ANXA4: variants seen among roughly 807,000 people sequenced by gnomAD.
ANXA4 encodes the protein annexin A4, also known as 35-beta calcimedin.
In ANXA4, 39 loss-of-function variants were observed where a neutral mutation model predicts 49.8. The ratio of observed to expected loss-of-function variants is 0.78; its 90% CI spans 0.61 to 1.02. ANXA4 has a LOEUF of 1.02. ANXA4 is among the 50% of genes least tolerant of loss of function. The pLI is 0.00. For missense variants in ANXA4, 360 were observed against 410.1 expected (o/e 0.88, Z 1.05); for synonymous variants, 134 against 152.5 (o/e 0.88, Z 0.89).
intron 2 of ANXA4, among the ~76,000 whole-genome samples, chr2:69,659,525 C>G (rs1676632530): frequency 6.6e-6 from 1 of 152,166 alleles, no homozygotes; most frequent in African/African-American, 2.4e-5. Flanking sequence ...TCACTGCAAC[C>G]TTGAACTTCT....
chr2:69,746,759 C>T (rs920962243), intron 1 of ANXA4, among the ~76,000 whole-genome samples: 3 of 151,780 alleles, frequency 2.0e-5, no homozygotes, highest in African/African-American at 4.8e-5. Flanking sequence ...TAAATTACTA[C>T]GGAAAAGACC....
intron 11 of ANXA4, 67 bp downstream of exon 11, chr2:69,819,405 C>A: frequency 8.5e-7 from 1 of 1,176,266 alleles, no homozygotes; most frequent in Non-Finnish European, 1.2e-6. Flanking sequence ...CTTAAGCTTA[C>A]TTATATCCCC....
rs766147001 is a variant in ANXA4, at chr2:69,812,642, C to T, written c.478-11C>T. ...CTCGAATTATTTTTTATTTGTTTTT[C>T]TCATCCTCAGGGTGGGAGGGATGAA... On this transcript the variant is annotated splice_polypyrimidine_tract_variant and intron_variant, in intron 7 of 12. Coordinates refer to ENST00000394295, the MANE Select transcript of ANXA4 (RefSeq NM_001153.5). The T allele has an allele frequency of 3.7e-6, 6 of 1,610,972 alleles. No individual in the cohort carries two copies. Among genetic ancestry groups the T allele is most frequent in the Non-Finnish European group, 4.2e-6 (5 of 1,177,790 alleles).
intron 2 of ANXA4, among the ~76,000 whole-genome samples, chr2:69,658,694 C>G (rs1363895270): frequency 6.6e-6 from 1 of 151,754 alleles, no homozygotes; most frequent in African/African-American, 2.4e-5. Context: ...TTTATTTATT[C>G]ATTTGTTTAC....
At chr2:69,724,697 CAAAG>C (rs1434509609) in intron 3 of ANXA4, among the ~76,000 whole-genome samples, 1 of 82,200 alleles carries the variant, frequency 1.2e-5, no homozygotes, top group Non-Finnish European at 2.4e-5. Flanking sequence ...TGTAAAAAGG[CAAAG>C]AAAGAAAGAT....
intron 1 of ANXA4, among the ~76,000 whole-genome samples, chr2:69,746,252 C>T (rs1670607381): frequency 6.6e-6 from 1 of 152,092 alleles, no homozygotes; most frequent in South Asian, 2.1e-4. Flanking sequence ...CCTCATGATC[C>T]ACCCGCCTCG....
chr2:69,685,762 C>A (rs945567005), intron 2 of ANXA4, among the ~76,000 whole-genome samples: 1 of 152,102 alleles, frequency 6.6e-6, no homozygotes, highest in Non-Finnish European at 1.5e-5. Flanking sequence ...AGAAGTGTAA[C>A]GTGGTTGCCA....
intron 2 of ANXA4, among the ~76,000 whole-genome samples, chr2:69,707,533 T>C (rs1216234344): frequency 2.6e-5 from 4 of 152,260 alleles, no homozygotes; most frequent in Non-Finnish European, 4.4e-5. Context: ...CTCATAACCG[T>C]GGAACCCCAA....
chr2:69,716,025 G>A (rs949161651), intron 2 of ANXA4, among the ~76,000 whole-genome samples: 4 of 152,290 alleles, frequency 2.6e-5, no homozygotes, highest in African/African-American at 4.8e-5. Context: ...AATAACCTGA[G>A]ACTGGGAGAA....
At chr2:69,650,642 C>T (rs1676198854) in intron 1 of ANXA4, among the ~76,000 whole-genome samples, 1 of 152,088 alleles carries the variant, frequency 6.6e-6, no homozygotes, top group South Asian at 2.1e-4. Flanking sequence ...TTTGTAGAGA[C>T]AGGGTGTTTC....
chr2:69,726,308 C>T (rs577933228), intron 3 of ANXA4, among the ~76,000 whole-genome samples: 19 of 152,304 alleles, frequency 1.2e-4, no homozygotes, highest in Non-Finnish European at 2.6e-4. Flanking sequence ...CCTCCCCAGC[C>T]ATTCAGAACT....
At chr2:69,714,450 G>A (rs982503554) in intron 2 of ANXA4, among the ~76,000 whole-genome samples, 1 of 152,200 alleles carries the variant, frequency 6.6e-6, no homozygotes, top group Non-Finnish European at 1.5e-5. Context: ...TATAAGAGAC[G>A]GGGCTTCGGC....
intron 2 of ANXA4, among the ~76,000 whole-genome samples, chr2:69,690,261 C>CA (rs1323632048): frequency 6.6e-6 from 1 of 152,112 alleles, no homozygotes; most frequent in Non-Finnish European, 1.5e-5. Context: ...TTATTTGAGA[C>CA]AGAGTCTCAC....
At chr2:69,772,654 C>A (rs1432846844) in intron 1 of ANXA4, among the ~76,000 whole-genome samples, 2 of 152,206 alleles carry the variant, frequency 1.3e-5, no homozygotes, top group Admixed American at 6.5e-5. Flanking sequence ...ACTGACTTTA[C>A]ACATACTATC....
At chr2:69,709,076 G>A (rs1410354969) in intron 2 of ANXA4, among the ~76,000 whole-genome samples, 2 of 152,124 alleles carry the variant, frequency 1.3e-5, no homozygotes, top group African/African-American at 4.8e-5. Context: ...ACTGACCCTC[G>A]CAAAACATGT....
chr2:69,672,416 G>A (rs921694179), intron 2 of ANXA4, among the ~76,000 whole-genome samples: 1 of 152,030 alleles, frequency 6.6e-6, no homozygotes, highest in African/African-American at 2.4e-5. Flanking sequence ...ATTTTTAGTA[G>A]AGATGGGGTT....
intron 2 of ANXA4, among the ~76,000 whole-genome samples, chr2:69,656,265 ATATG>A (rs1676452346): frequency 1.5e-5 from 2 of 134,990 alleles, no homozygotes; most frequent in Non-Finnish European, 3.0e-5. Flanking sequence ...ATACGTATAT[ATATG>A]TATATACGTA....
chr2:69,776,084 C>G (rs1311235915), intron 1 of ANXA4, among the ~76,000 whole-genome samples: 1 of 152,038 alleles, frequency 6.6e-6, no homozygotes, highest in East Asian at 1.9e-4. Context: ...ACATGATTCT[C>G]CTGCCTCAGC....
At chr2:69,715,743 C>T (rs1678860284) in intron 2 of ANXA4, among the ~76,000 whole-genome samples, 2 of 152,220 alleles carry the variant, frequency 1.3e-5, no homozygotes, top group Non-Finnish European at 1.5e-5. Flanking sequence ...GTTTTGTCCC[C>T]TTCTGTGCCT....
Sources: gnomAD v4.1 joint callset for allele counts (sites outside exome capture counted in the v4.1 genomes callset) on GRCh38, gnomAD v4.1.1 for gene constraint, MANE v1.5 for transcripts, NCBI Gene and HGNC (gene_info 2026-07-23, HGNC 2026-07-21) for gene names.